ZC3H7B: variants seen among roughly 807,000 people sequenced by gnomAD.
ZC3H7B encodes zinc finger CCCH-type containing 7B.
In ZC3H7B, 35 loss-of-function variants were observed where a neutral mutation model predicts 116.0. The ratio of observed to expected loss-of-function variants is 0.30; its 90% confidence interval spans 0.23 to 0.40. ZC3H7B has a LOEUF of 0.40. Among genes scored for constraint, ZC3H7B ranks in the 10% least tolerant of loss-of-function variants. The pLI is 1.00. For synonymous variants in ZC3H7B, 502 were observed against 545.6 expected (o/e 0.92, Z 1.11); for missense variants, 1,011 against 1,321.5 (o/e 0.77, Z 3.64).
Position 41,340,911 on chromosome 22 carries a change from C to T in ZC3H7B, c.1139-177C>T, listed in dbSNP as rs149824394. On this transcript the variant is annotated intron_variant, in intron 10 of 22. Transcript: ENST00000352645. ...GAGTGGACACACTCAGGCTGGGAGG[C>T]GTCTTTGCCCCTGGGGAGTGGAGAG... Among the ~76,000 whole-genome samples, 46 of 152,226 alleles carry T rather than the reference C, an allele frequency of 3.0e-4. No individual in the cohort carries two copies. In the East Asian group the frequency reaches 6.2e-3, roughly 21 times the overall value.
chr22:41,356,803 C>T lies in ZC3H7B; in HGVS notation c.2676C>T (p.Cys892=), dbSNP rs374895467. The part of the protein sequence containing the change: ...FRFPMGEFRL[C]DRLQKGKACP... The stretch of plus-strand genomic sequence containing the variant: ...TCCCCATGGGCGAGTTCCGGCTCTG[C>T]GACAGGTGCTCCTGGGAGGGCAGGG... Residue 892 remains cysteine, a synonymous_variant, in exon 22 of 23, where the codon TGC becomes TGT. Transcript: ENST00000352645. The T allele has an allele frequency of 6.2e-6, 10 of 1,613,196 alleles. No individual in the cohort carries two copies. The African/African-American group carries it at 8.0e-5, about 13-fold the overall frequency.
chr22:41,339,060 CT>C lies in ZC3H7B; in HGVS notation c.686del (p.Leu229ArgfsTer63), dbSNP rs1569239043. 2 of 1,612,318 alleles carry C rather than the reference CT, an allele frequency of 1.2e-6. No individual in the cohort carries two copies. Among genetic ancestry groups the C allele is most frequent in the South Asian group, 1.1e-5 (1 of 90,550 alleles). On this transcript the variant is annotated frameshift_variant, in exon 9 of 23. Transcript: ENST00000352645. LOFTEE classifies it high-confidence loss of function. Reference sequence around the variant, plus strand: ...TCTCCCCTCCACGCCCACGATGCCCCTGTTCCCTCACGTTCTGGACCTGCTG... The same window carrying C: ...TCTCCCCTCCACGCCCACGATGCCCCGTTCCCTCACGTTCTGGACCTGCTG... ...ALLPSTPTMP[L>X]FPHVLDLLAP...
chr22:41,331,312 A>G (rs2036380871), intron 6 of ZC3H7B, among the ~76,000 whole-genome samples: 1 of 149,094 alleles, frequency 6.7e-6, no homozygotes, highest in African/African-American at 2.5e-5. Context: ...GCACTTTGGG[A>G]GGCCGCGGTG....
chr22:41,334,489 T>C (rs2036418406), intron 7 of ZC3H7B: 1 of 152,198 alleles, frequency 6.6e-6, no homozygotes, highest in Non-Finnish European at 1.5e-5. Flanking sequence ...TGTTCACCCA[T>C]CCCTGCAATC....
chr22:41,318,027 T>G (rs1173568369), intron 1 of ZC3H7B, among the ~76,000 whole-genome samples: 1 of 151,736 alleles, frequency 6.6e-6, no homozygotes, highest in Non-Finnish European at 1.5e-5. Flanking sequence ...AGTTATTTAG[T>G]GACAACACAT....
intron 13 of ZC3H7B, among the ~76,000 whole-genome samples, chr22:41,345,113 C>T (rs928307607): frequency 1.3e-5 from 2 of 152,162 alleles, no homozygotes; most frequent in Non-Finnish European, 2.9e-5. Flanking sequence ...CCATGTCCAG[C>T]GCCCCCGCCA....
At chr22:41,341,974 A>G (rs1176727621) in intron 11 of ZC3H7B, among the ~76,000 whole-genome samples, 1 of 151,842 alleles carries the variant, frequency 6.6e-6, no homozygotes, top group Non-Finnish European at 1.5e-5. Context: ...AGGCAGGAGA[A>G]TCGCTTGAAC....
chr22:41,343,396 G>A lies in ZC3H7B; in HGVS notation c.1298-19G>A. On this transcript the variant is annotated intron_variant, in intron 12 of 22. Transcript: ENST00000352645. ...AATTCTGCTTCCGGAATTATCATGT[G>A]TGTCCACCCTGCCCATAGGCCCCCG... is the stretch of plus-strand genomic sequence containing the variant. 1 of 1,597,972 alleles carries A rather than the reference G, an allele frequency of 6.3e-7. No individual in the cohort carries two copies. Among genetic ancestry groups the A allele is most frequent in the Non-Finnish European group, 8.6e-7 (1 of 1,168,496 alleles).
intron 1 of ZC3H7B, among the ~76,000 whole-genome samples, chr22:41,312,794 C>T (rs2036134739): frequency 6.6e-6 from 1 of 151,940 alleles, no homozygotes; most frequent in Non-Finnish European, 1.5e-5. Context: ...GCCTGTGGTC[C>T]CAGCTACTTG....
At chr22:41,353,811 C>T (rs987833542) in intron 17 of ZC3H7B, among the ~76,000 whole-genome samples, 9 of 148,982 alleles carry the variant, frequency 6.0e-5, no homozygotes, top group African/African-American at 2.2e-4. Context: ...TTTTTCTCCC[C>T]TCTTCCTGGT....
chr22:41,315,839 C>T (rs182047509), intron 1 of ZC3H7B, among the ~76,000 whole-genome samples: 75 of 152,158 alleles, frequency 4.9e-4, no homozygotes, highest in Admixed American at 4.9e-3. Flanking sequence ...CTGTATAGGC[C>T]CTATCTTCAG....
intron 7 of ZC3H7B, among the ~76,000 whole-genome samples, chr22:41,337,855 GC>G (rs1245301824): frequency 1.3e-5 from 2 of 150,610 alleles, no homozygotes; most frequent in African/African-American, 4.9e-5. Context: ...TGAGGACCCA[GC>G]ACGTGTGAGG....
chr22:41,303,757 T>G (rs1250123790), intron 1 of ZC3H7B, among the ~76,000 whole-genome samples: 1 of 152,224 alleles, frequency 6.6e-6, no homozygotes, highest in Non-Finnish European at 1.5e-5. Flanking sequence ...TATTTTATTT[T>G]ATTTTATTTT....
chr22:41,356,080 G>C lies in ZC3H7B; in HGVS notation c.2383+18G>C. ...GAACAAGAGTGAGTGGGCAGACGGG[G>C]CGGGCGGGCCCTCCCCCGGTGTCTC... On this transcript the variant is annotated intron_variant, in intron 20 of 22. Coordinates refer to ENST00000352645, the MANE Select transcript of ZC3H7B (RefSeq NM_017590.6). 5 of 1,554,140 alleles carry C rather than the reference G, an allele frequency of 3.2e-6. No individual in the cohort carries two copies. Among genetic ancestry groups the C allele is most frequent in the Non-Finnish European group, 4.3e-6 (5 of 1,155,636 alleles).
intron 1 of ZC3H7B, among the ~76,000 whole-genome samples, chr22:41,315,816 A>G (rs2036175491): frequency 1.3e-5 from 2 of 152,180 alleles, no homozygotes; most frequent in Middle Eastern, 6.8e-3. Context: ...TTTAACCTTA[A>G]TTACAGGTAC....
At position 41,338,939 on chromosome 22, in the gene ZC3H7B, G is replaced by A. The variant is rs977987755; in HGVS notation, c.626-62G>A. 1.4e-6 allele frequency: 2 copies of A among 1,448,416 alleles called. No homozygotes were observed. The highest frequency in any genetic ancestry group is 1.8e-6 in the Non-Finnish European group (2 of 1,093,812). The allele number at this position is 1,448,416 out of a possible 1,614,324, so 89.7% of individuals were successfully genotyped here. ...GTTGGATGAGCATCACGGGGCCCGGGACGCCTCCTCCACCCTCACCAAGCA... is the reference window on the plus strand; with the variant it reads ...GTTGGATGAGCATCACGGGGCCCGGAACGCCTCCTCCACCCTCACCAAGCA... On this transcript the variant is annotated intron_variant, in intron 8 of 22. Coordinates refer to ENST00000352645, the MANE Select transcript of ZC3H7B (RefSeq NM_017590.6). This position sits in a 1 kb window ranked among gnomAD's most constrained non-coding sequence, Gnocchi z 4.5.
intron 5 of ZC3H7B, among the ~76,000 whole-genome samples, chr22:41,328,868 A>G (rs1002312092): frequency 3.3e-5 from 5 of 151,864 alleles, no homozygotes; most frequent in Non-Finnish European, 4.4e-5. Flanking sequence ...AGAACTATAT[A>G]ATGTGACCTC....
intron 1 of ZC3H7B, among the ~76,000 whole-genome samples, chr22:41,312,772 G>T (rs529318335): frequency 6.6e-6 from 1 of 151,494 alleles, no homozygotes; most frequent in African/African-American, 2.4e-5. Flanking sequence ...TTAGCCAAGC[G>T]TGATGGTGCG....
Position 41,351,200 on chromosome 22 carries a change from G to T in ZC3H7B, c.1949-361G>T, listed in dbSNP as rs1458291565. On this transcript the variant is annotated intron_variant, in intron 16 of 22. Coordinates refer to ENST00000352645, the MANE Select transcript of ZC3H7B (RefSeq NM_017590.6). This position sits in a 1 kb window ranked among gnomAD's most constrained non-coding sequence, Gnocchi z 5.1. The stretch of plus-strand genomic sequence containing the variant: ...CTGCCAAGCAGGCACTAGGCTTGCA[G>T]CCCTGTTGAGGGAGATGGGGGTCAG... Among the ~76,000 whole-genome samples, 1 of 152,192 alleles carries T rather than the reference G, an allele frequency of 6.6e-6. No homozygotes were observed. Among genetic ancestry groups the T allele is most frequent in the African/African-American group, 2.4e-5 (1 of 41,438 alleles).
Sources: allele counts gnomAD v4.1 joint callset (sites outside exome capture counted in the v4.1 genomes callset), GRCh38; gene constraint gnomAD v4.1.1; non-coding constraint Gnocchi (gnomAD v3.1); transcripts MANE v1.5; gene names NCBI Gene and HGNC (gene_info 2026-07-23, HGNC 2026-07-21).